Variants in DCHS2 observed in about 807,000 individuals in gnomAD.
The protein encoded by DCHS2 is protocadherin-23.
In DCHS2, 142 loss-of-function variants were observed where a neutral mutation model predicts 182.4. The ratio of observed to expected loss-of-function variants is 0.78; its 90% CI spans 0.68 to 0.89. The LOEUF (loss-of-function observed/expected upper bound fraction) is 0.89. Ranked by LOEUF, DCHS2 falls within the 40% of genes least tolerant of loss-of-function variation. The probability of loss-of-function intolerance (pLI) is 0.00; values close to 1 mark genes in which losing one functional copy is unlikely to be tolerated. For missense variants in DCHS2, 4,319 were observed against 4,198.6 expected, an observed-to-expected ratio of 1.03 and a Z score of -0.79; for synonymous variants, 1,740 against 1,663.3, an observed-to-expected ratio of 1.05 and a Z score of -1.12.
intron 10 of DCHS2, among the ~76,000 whole-genome samples, chr4:154,314,968 T>C (rs1735801880): frequency 6.6e-6 from 1 of 152,134 alleles, no homozygotes. Flanking sequence ...TTGTTTAAGA[T>C]AAAAACAGAA....
At chr4:154,394,461 A>T (rs560114201) in intron 1 of DCHS2, among the ~76,000 whole-genome samples, 2 of 152,148 alleles carry the variant, frequency 1.3e-5, no homozygotes, top group South Asian at 4.1e-4. Context: ...CGAATAACTC[A>T]TCTCTAGGCA....
At chr4:154,290,669 C>G (rs999487021) in intron 13 of DCHS2, among the ~76,000 whole-genome samples, 4 of 151,900 alleles carry the variant, frequency 2.6e-5, no homozygotes. Flanking sequence ...ACAAAGTTGC[C>G]AAGAACATAC....
At chr4:154,449,475 A>T (rs1021723541) in intron 1 of DCHS2, among the ~76,000 whole-genome samples, 2 of 151,410 alleles carry the variant, frequency 1.3e-5, no homozygotes, top group Non-Finnish European at 2.9e-5. Flanking sequence ...GGCTCAAGGG[A>T]CCCTCCCACC....
intron 1 of DCHS2, among the ~76,000 whole-genome samples, chr4:154,453,315 T>A (rs1734615906): frequency 7.4e-6 from 1 of 135,556 alleles, no homozygotes; most frequent in Admixed American, 8.1e-5. Context: ...ATCCTAGATG[T>A]GAAATCTATT....
At position 154,367,049 on chromosome 4, in the gene DCHS2, A is replaced by G. The variant is rs553778047; in HGVS notation, c.2245-608T>C. The stretch of plus-strand genomic sequence containing the variant: ...CCAGAAAGGAAAGAATAACAGGCAG[A>G]GGAAAGAGCAGAGCCAAAGGCCCTA... On this transcript the variant is annotated intron_variant, in intron 2 of 19. Transcript: ENST00000357232. Among the ~76,000 whole-genome samples the G allele has an allele frequency of 6.6e-5, 10 of 152,276 alleles. No homozygotes were observed. The South Asian group carries it at 2.1e-3, about 32-fold the overall frequency.
In DCHS2 at chr4:154,269,952, A is replaced by G; in HGVS notation, c.6525T>C (p.Tyr2175=). Residue 2175 remains tyrosine (Y), a synonymous_variant, in exon 14 of 20, where the codon TAT becomes TAC. Coordinates refer to ENST00000357232, the MANE Select transcript of DCHS2 (RefSeq NM_001358235.2). ...CATCTTCATTTCCACTAAAAATTGA[A>G]TATTTCATGCTGTCCTGAATTGAGT... The part of the protein sequence containing the change: ...APDSIQDSMK[Y]SIFSGNEDGV... 1 of 1,612,776 alleles carries G rather than the reference A, an allele frequency of 6.2e-7. No individual in the cohort carries two copies.
intron 9 of DCHS2, 125 bp downstream of exon 9, chr4:154,320,253 CA>C: frequency 7.1e-7 from 1 of 1,408,676 alleles, no homozygotes; most frequent in Non-Finnish European, 9.4e-7. Flanking sequence ...ATACGCTGTG[CA>C]ACATTGAACT....
chr4:154,438,329 C>A (rs940926303), intron 1 of DCHS2, among the ~76,000 whole-genome samples: 2 of 152,192 alleles, frequency 1.3e-5, no homozygotes, highest in African/African-American at 2.4e-5. Context: ...GCCCAAGAGA[C>A]TGTAGAGGCC....
intron 3 of DCHS2, among the ~76,000 whole-genome samples, chr4:154,365,872 A>G (rs2110770040): frequency 6.7e-6 from 1 of 148,222 alleles, no homozygotes; most frequent in East Asian, 2.0e-4. Flanking sequence ...CTAGTCTTGA[A>G]CTCCTGACCT....
intron 1 of DCHS2, among the ~76,000 whole-genome samples, chr4:154,449,219 G>GAAAA (rs11437957): frequency 6.7e-6 from 1 of 149,452 alleles, no homozygotes; most frequent in Non-Finnish European, 1.5e-5. Flanking sequence ...CCCCAAAATT[G>GAAAA]AAAAAAAAAA....
rs745984325 is a variant in DCHS2, at chr4:154,366,259, C to A, written c.2427G>T (p.Glu809Asp). 5 of 1,613,556 alleles carry A rather than the reference C, an allele frequency of 3.1e-6. No homozygotes were observed. The Admixed American group carries it at 8.3e-5, about 27-fold the overall frequency. The stretch of plus-strand genomic sequence containing the variant: ...GGGACGACACGTTTCCTGGAATAAG[C>A]TCATAAGCCACTGTCCCATATATCC... ...DSGIYGTVAY[E>D]LIPGNVSSLF... The change falls in exon 3 of 20, where the codon GAG becomes GAT. Residue 809 changes from glutamate (E) to aspartate (D), a missense_variant. Transcript: ENST00000357232.
intron 10 of DCHS2, 80 bp downstream of exon 10, chr4:154,315,668 T>C (rs1735823752): frequency 9.7e-6 from 15 of 1,545,816 alleles, no homozygotes; most frequent in South Asian, 6.4e-5. Flanking sequence ...TTCTGAGCCA[T>C]AACTATTATA....
intron 1 of DCHS2, among the ~76,000 whole-genome samples, chr4:154,449,330 C>A (rs751892810): frequency 8.6e-5 from 13 of 151,654 alleles, no homozygotes; most frequent in Admixed American, 2.0e-4. Context: ...ATCTCCATTC[C>A]ACAGGTAATA....
intron 1 of DCHS2, among the ~76,000 whole-genome samples, chr4:154,402,185 C>T (rs1015168650): frequency 6.6e-6 from 1 of 152,166 alleles, no homozygotes; most frequent in African/African-American, 2.4e-5. Context: ...GTACCCTTGT[C>T]AAAACTCAAT....
chr4:154,236,804 A>G lies in DCHS2; in HGVS notation c.7848T>C (p.Tyr2616=). 6.2e-7 allele frequency: 1 copy of G among 1,614,068 alleles called. No individual in the cohort carries two copies. The highest frequency in any genetic ancestry group is 8.5e-7 in the Non-Finnish European group (1 of 1,179,974). The change falls in exon 20 of 20, where the codon TAT becomes TAC. Residue 2616 remains tyrosine (Y), a synonymous_variant. Coordinates refer to ENST00000357232, the MANE Select transcript of DCHS2 (RefSeq NM_001358235.2). ...TGTCCAGACTGTGAAGCAACACAAG[A>G]TAACCGACTTGCTTATAAGGATATT... ...HSEYPYKQVG[Y]LVLLHSLDRE...
At chr4:154,296,422 G>A (rs1302354130) in intron 13 of DCHS2, among the ~76,000 whole-genome samples, 1 of 152,166 alleles carries the variant, frequency 6.6e-6, no homozygotes, top group Non-Finnish European at 1.5e-5. Context: ...GGGCCAGCCT[G>A]TGTCTTACCA....
At chr4:154,285,388 A>G (rs1216596302) in intron 13 of DCHS2, among the ~76,000 whole-genome samples, 2 of 152,168 alleles carry the variant, frequency 1.3e-5, no homozygotes, top group Non-Finnish European at 2.9e-5. Context: ...CAGTTTAGGT[A>G]CCAGCTCAGC....
Position 154,235,292 on chromosome 4 carries a change from G to A in DCHS2, c.9360C>T (p.Asp3120=). The A allele has an allele frequency of 6.2e-7, 1 of 1,614,104 alleles. No individual in the cohort carries two copies. The highest frequency in any genetic ancestry group is 8.5e-7 in the Non-Finnish European group (1 of 1,179,972). The change falls in exon 20 of 20, where the codon GAC becomes GAT. Residue 3120 remains aspartate (D), a synonymous_variant. Coordinates refer to ENST00000357232, the MANE Select transcript of DCHS2 (RefSeq NM_001358235.2). ...INEHPYRKCS[D]SALSDHESRV... ...TGGACTCGTGGTCACTCAGAGCTGA[G>A]TCTGAGCACTTTCTGTAGGGATGCT...
intron 1 of DCHS2, among the ~76,000 whole-genome samples, chr4:154,411,364 C>T (rs138520581): frequency 0.017 from 2,552 of 152,034 alleles, 60 homozygotes; most frequent in African/African-American, 0.056. Context: ...TTTGGGAGGC[C>T]GAGGTGGGTG....
Sources: allele counts gnomAD v4.1 joint callset (sites outside exome capture counted in the v4.1 genomes callset), GRCh38; gene constraint gnomAD v4.1.1; transcripts MANE v1.5; gene names NCBI Gene and HGNC (gene_info 2026-07-23, HGNC 2026-07-21).